The following TRAPPC9 variants were observed in gnomAD, a reference collection of about 807,000 sequenced individuals.
TRAPPC9 encodes the protein trafficking protein particle complex subunit 9, also known as IKK2 binding protein.
TRAPPC9 carries 83 observed loss-of-function variants against 124.0 expected under a neutral mutation model. The observed-to-expected ratio is 0.67, with a 90% confidence interval of 0.56 to 0.80. TRAPPC9 has a LOEUF of 0.80. TRAPPC9 is among the 30% of genes least tolerant of loss of function. The pLI, the probability that TRAPPC9 is intolerant of heterozygous loss-of-function variation, is 0.00. For synonymous variants in TRAPPC9, 638 were observed against 617.5 expected, an observed-to-expected ratio of 1.03 and a Z score of -0.49; for missense variants, 1,302 against 1,508.3, an observed-to-expected ratio of 0.86 and a Z score of 2.27.
At chr8:140,363,077 T>C (rs2068004619) in intron 8 of TRAPPC9, among the ~76,000 whole-genome samples, 3 of 152,194 alleles carry the variant, frequency 2.0e-5, no homozygotes, top group East Asian at 3.8e-4. Context: ...TTTCACCAAT[T>C]TGGAGGTTTA....
chr8:139,968,299 T>A (rs533314324), intron 19 of TRAPPC9, among the ~76,000 whole-genome samples: 1 of 152,298 alleles, frequency 6.6e-6, no homozygotes, highest in East Asian at 1.9e-4. Context: ...TAGCTGCCTA[T>A]TATCTGTGTG....
At chr8:140,094,695 G>A (rs575179774) in intron 17 of TRAPPC9, among the ~76,000 whole-genome samples, 7 of 152,160 alleles carry the variant, frequency 4.6e-5, no homozygotes, top group Non-Finnish European at 7.4e-5. Flanking sequence ...CACTGGGCAC[G>A]GTGCCCTGGC....
chr8:140,126,545 G>A (rs532594503), intron 17 of TRAPPC9, among the ~76,000 whole-genome samples: 66 of 152,242 alleles, frequency 4.3e-4, no homozygotes, highest in South Asian at 8.3e-4. Context: ...GTCCAATTTC[G>A]TCTGCAGTTG....
chr8:140,025,240 C>G (rs1840070721), intron 17 of TRAPPC9, among the ~76,000 whole-genome samples: 4 of 152,214 alleles, frequency 2.6e-5, no homozygotes, highest in Admixed American at 2.6e-4. Context: ...AAGGACCCTG[C>G]CTTCCCCAGG....
chr8:140,063,193 G>C lies in TRAPPC9; in HGVS notation c.2557-39114C>G, dbSNP rs1415184477. 6.6e-6 allele frequency among the ~76,000 whole-genome samples: 1 copy of C among 152,152 alleles called. No individual in the cohort carries two copies. The highest frequency in any genetic ancestry group is 1.5e-5 in the Non-Finnish European group (1 of 68,032). ...ATGACCTCCACCTGGTCTCTCCCTT[G>C]ATACATGGGGCTTATGGAGATTATA... On this transcript the variant is annotated intron_variant, in intron 17 of 22. Coordinates refer to ENST00000438773, the MANE Select transcript of TRAPPC9 (RefSeq NM_001160372.4). This position sits in a 1 kb window ranked among gnomAD's most constrained non-coding sequence, Gnocchi z 4.3.
At position 140,252,509 on chromosome 8, in the gene TRAPPC9, T is replaced by C. The variant is rs905113595; in HGVS notation, c.2431+268A>G. 2.3e-6 allele frequency: 1 copy of C among 443,866 alleles called. No individual in the cohort carries two copies. The highest frequency in any genetic ancestry group is 4.1e-6 in the Non-Finnish European group (1 of 245,260). The allele number at this position is 443,866 out of a possible 1,614,324, so 27.5% of individuals were successfully genotyped here. ...TGAAAAAACGCAGTAATTCCTACATTCCACTAATTTAGAATGACCTGCTGG... is the reference window on the plus strand; with the variant it reads ...TGAAAAAACGCAGTAATTCCTACATCCCACTAATTTAGAATGACCTGCTGG... On this transcript the variant is annotated intron_variant, in intron 16 of 22. Transcript: ENST00000438773. The surrounding 1 kb of genome is among the most constrained non-coding windows in gnomAD (Gnocchi z 4.2).
At chr8:139,774,380 G>T (rs2130472520) in intron 21 of TRAPPC9, among the ~76,000 whole-genome samples, 1 of 152,298 alleles carries the variant, frequency 6.6e-6, no homozygotes, top group East Asian at 1.9e-4. Flanking sequence ...GAAGGGCTGG[G>T]TGTGCGTGTG....
At chr8:139,990,321 G>C (rs1031600964) in intron 18 of TRAPPC9, among the ~76,000 whole-genome samples, 6 of 152,176 alleles carry the variant, frequency 3.9e-5, no homozygotes, top group Non-Finnish European at 4.4e-5. Flanking sequence ...TGCAGAGCTC[G>C]AAACCCTCGG....
At chr8:139,908,622 T>C (rs1831512821) in intron 20 of TRAPPC9, 1 of 152,138 alleles carries the variant, frequency 6.6e-6, no homozygotes, top group South Asian at 2.1e-4. Flanking sequence ...CTTACCTGGG[T>C]TGGTCCCTGG....
intron 20 of TRAPPC9, among the ~76,000 whole-genome samples, chr8:139,903,878 T>TA (rs1244548702): frequency 6.6e-6 from 1 of 151,902 alleles, no homozygotes; most frequent in Non-Finnish European, 1.5e-5. Flanking sequence ...CCAACTCTAC[T>TA]AAAAAATACA....
intron 21 of TRAPPC9, among the ~76,000 whole-genome samples, chr8:139,797,392 TG>T (rs1200951187): frequency 1.3e-5 from 2 of 152,180 alleles, no homozygotes; most frequent in African/African-American, 4.8e-5. Context: ...CCCAAAGAGC[TG>T]GGATTACAGG....
chr8:140,140,947 C>T (rs1441525238), intron 17 of TRAPPC9, among the ~76,000 whole-genome samples: 1 of 152,172 alleles, frequency 6.6e-6, no homozygotes, highest in Non-Finnish European at 1.5e-5. Flanking sequence ...TAGTTAATCC[C>T]GAGGAGATGT....
At chr8:140,197,292 G>A (rs2062692757) in intron 17 of TRAPPC9, among the ~76,000 whole-genome samples, 1 of 152,180 alleles carries the variant, frequency 6.6e-6, no homozygotes. Context: ...CCTAACACGA[G>A]CCGATGTTAA....
chr8:140,058,425 C>G (rs1842410645), intron 17 of TRAPPC9, among the ~76,000 whole-genome samples: 1 of 152,214 alleles, frequency 6.6e-6, no homozygotes, highest in South Asian at 2.1e-4. Flanking sequence ...ACTCTATGAA[C>G]TGTCCTCAAC....
At chr8:139,747,181 C>T (rs1218328063) in intron 21 of TRAPPC9, among the ~76,000 whole-genome samples, 2 of 152,214 alleles carry the variant, frequency 1.3e-5, no homozygotes, top group African/African-American at 4.8e-5. Context: ...TCTCGCCACC[C>T]AGGCAGGCCC....
At chr8:140,181,551 A>T (rs1179533789) in intron 17 of TRAPPC9, among the ~76,000 whole-genome samples, 4 of 152,142 alleles carry the variant, frequency 2.6e-5, no homozygotes, top group Non-Finnish European at 5.9e-5. Context: ...TCGGCCTCCC[A>T]AAGTGCTGGA....
At chr8:140,335,310 C>G (rs1488416294) in intron 9 of TRAPPC9, among the ~76,000 whole-genome samples, 3 of 152,134 alleles carry the variant, frequency 2.0e-5, no homozygotes, top group Non-Finnish European at 4.4e-5. Flanking sequence ...TGTTGAGAGT[C>G]TGAACCACAG....
chr8:139,749,994 C>T (rs1429582576), intron 21 of TRAPPC9, among the ~76,000 whole-genome samples: 1 of 152,154 alleles, frequency 6.6e-6, no homozygotes, highest in Non-Finnish European at 1.5e-5. Context: ...CAGGAGCTCA[C>T]AGCCTGCAGG....
At chr8:139,924,266 C>T (rs1832675287) in intron 19 of TRAPPC9, among the ~76,000 whole-genome samples, 1 of 152,294 alleles carries the variant, frequency 6.6e-6, no homozygotes, top group African/African-American at 2.4e-5. Flanking sequence ...TTTGAAAAGC[C>T]GCAGGCCAAG....
Sources: gnomAD v4.1 joint callset for allele counts (sites outside exome capture counted in the v4.1 genomes callset) on GRCh38, gnomAD v4.1.1 for gene constraint, Gnocchi (gnomAD v3.1) non-coding constraint, MANE v1.5 for transcripts, NCBI Gene and HGNC (gene_info 2026-07-23, HGNC 2026-07-21) for gene names.